Variants in ZNF486 observed in about 807,000 individuals in gnomAD.
The protein encoded by ZNF486 is KRAB box only protein 2.
ZNF486 carries 12 observed loss-of-function variants against 12.8 expected under a neutral mutation model. That is an observed-to-expected ratio of 0.94 (90% CI 0.60 to 1.52). ZNF486 has a LOEUF of 1.52. Among genes scored for constraint, ZNF486 ranks in the 40% most tolerant of loss-of-function variants. The pLI is 0.00. For missense variants in ZNF486, 738 were observed against 545.0 expected (o/e 1.35, Z -3.53); for synonymous variants, 231 against 184.9 (o/e 1.25, Z -2.02).
Position 20,192,063 on chromosome 19 carries a change from T to G in ZNF486, c.254-4901T>G, listed in dbSNP as rs370496771. Among the ~76,000 whole-genome samples, 29 of 152,322 alleles carry G rather than the reference T, an allele frequency of 1.9e-4. No homozygotes were observed. The South Asian group carries it at 6.0e-3, about 32-fold the overall frequency. On this transcript the variant is annotated intron_variant, in intron 3 of 3. Transcript: ENST00000335117. Reference sequence around the variant, plus strand: ...CCGATTCCTGGTAAATTAACTCACTTTACCATAATATAATATCATTCTTTG... The same window carrying G: ...CCGATTCCTGGTAAATTAACTCACTGTACCATAATATAATATCATTCTTTG...
In ZNF486 at chr19:20,179,699, C is replaced by T. The variant is rs1171169076; in HGVS notation, c.31-4657C>T. On this transcript the variant is annotated intron_variant, in intron 1 of 3. Coordinates refer to ENST00000335117, the MANE Select transcript of ZNF486 (RefSeq NM_052852.4). ...ACAGAAAATTAACAAAAGTCATTTT[C>T]TGCATTGTAAGTTGTCAAGATAGAT... Among the ~76,000 whole-genome samples, 3 of 152,092 alleles carry T rather than the reference C, an allele frequency of 2.0e-5. No individual in the cohort carries two copies. The East Asian group carries it at 5.8e-4, about 29-fold the overall frequency.
chr19:20,194,920 C>G (rs1555717677), intron 3 of ZNF486, among the ~76,000 whole-genome samples: 1 of 151,888 alleles, frequency 6.6e-6, no homozygotes, highest in African/African-American at 2.4e-5. Flanking sequence ...ATCATATTTT[C>G]TTTTAATAAA....
At chr19:20,184,662 C>T (rs1250519929) in intron 2 of ZNF486, among the ~76,000 whole-genome samples, 180 bp downstream of exon 2, 2 of 152,070 alleles carry the variant, frequency 1.3e-5, no homozygotes, top group Admixed American at 1.3e-4. Context: ...CATCTTAATC[C>T]AAACTTTCCA....
At chr19:20,178,555 C>A (rs918081889) in intron 1 of ZNF486, among the ~76,000 whole-genome samples, 18 of 152,090 alleles carry the variant, frequency 1.2e-4, no homozygotes, top group African/African-American at 3.9e-4. Flanking sequence ...GAAAATTGTT[C>A]TTCTAATTAT....
chr19:20,186,130 C>T (rs1555716402), intron 3 of ZNF486, 48 bp downstream of exon 3: 1 of 1,445,496 alleles, frequency 6.9e-7, no homozygotes, highest in Admixed American at 2.4e-5. Context: ...GATAAGAGGT[C>T]CCAAGGTCAA....
intron 1 of ZNF486, among the ~76,000 whole-genome samples, chr19:20,178,707 A>AG (rs1182880647): frequency 2.0e-5 from 3 of 152,244 alleles, no homozygotes; most frequent in Non-Finnish European, 1.5e-5. Flanking sequence ...CTAAATATGC[A>AG]GGCAGAATTG....
chr19:20,176,026 G>A (rs182706341), intron 1 of ZNF486: 12,724 of 169,170 alleles, frequency 0.075, 758 homozygotes, highest in African/African-American at 0.17. Flanking sequence ...CCTCCCTCCC[G>A]GACGGGGTGG....
chr19:20,170,896 C>T (rs1555713801), intron 1 of ZNF486, among the ~76,000 whole-genome samples: 1 of 152,110 alleles, frequency 6.6e-6, no homozygotes, highest in African/African-American at 2.4e-5. Flanking sequence ...AACATAACTA[C>T]AGTGTTTTGT....
At chr19:20,189,429 T>C (rs2089881646) in intron 3 of ZNF486, among the ~76,000 whole-genome samples, 2 of 152,328 alleles carry the variant, frequency 1.3e-5, no homozygotes, top group Middle Eastern at 3.4e-3. Context: ...CATTTTTAAA[T>C]AATGGCTGCA....
intron 1 of ZNF486, among the ~76,000 whole-genome samples, chr19:20,180,279 C>T (rs1309265796): frequency 6.6e-6 from 1 of 152,160 alleles, no homozygotes; most frequent in Non-Finnish European, 1.5e-5. Context: ...CAGAGTTTCT[C>T]CAGTTTCCTG....
At chr19:20,181,497 C>A (rs975174692) in intron 1 of ZNF486, among the ~76,000 whole-genome samples, 5 of 150,642 alleles carry the variant, frequency 3.3e-5, no homozygotes, top group African/African-American at 1.2e-4. Context: ...CCAGATCGCG[C>A]CACTGCACTC....
At position 20,197,690 on chromosome 19, in the gene ZNF486, G is replaced by T. The variant is rs781845508; in HGVS notation, c.980G>T (p.Cys327Phe). The T allele has an allele frequency of 1.5e-5, 24 of 1,613,638 alleles. No individual in the cohort carries two copies. The African/African-American group carries it at 2.0e-4, about 13-fold the overall frequency. ...TGEKPYTCDK[C>F]GKAFISSSIL... ...GAGAAACCGTACACGTGTGATAAAT[G>T]TGGCAAAGCCTTTATTTCATCCTCG... The change falls in exon 4 of 4, where the codon TGT becomes TTT. Residue 327 changes from cysteine to phenylalanine, a missense_variant. By Grantham distance (205) the Cys-to-Phe change is radical. Transcript: ENST00000335117.
intron 1 of ZNF486, chr19:20,176,384 G>C (rs1555714793): frequency 1.3e-5 from 2 of 159,146 alleles, no homozygotes; most frequent in East Asian, 1.7e-4. Flanking sequence ...CAGACGATGG[G>C]CGGCCAGGCA....
chr19:20,171,720 T>A (rs2089649906), intron 1 of ZNF486, among the ~76,000 whole-genome samples: 1 of 152,248 alleles, frequency 6.6e-6, no homozygotes, highest in Non-Finnish European at 1.5e-5. Context: ...ATTTTTTTTC[T>A]TTTAGCTTTT....
At position 20,167,284 on chromosome 19, in the gene ZNF486, C is replaced by A. The variant is rs781877664; in HGVS notation, c.-47C>A. The stretch of plus-strand genomic sequence containing the variant: ...GTGTCCTCTGCTCCTAGAGGCCCAC[C>A]CTCTGTGGCCCTGTGTCCTGTAGGT... On this transcript the variant is annotated 5_prime_UTR_variant, in exon 1 of 4. Coordinates refer to ENST00000335117, the MANE Select transcript of ZNF486 (RefSeq NM_052852.4). 6 of 1,611,192 alleles carry A rather than the reference C, an allele frequency of 3.7e-6. No individual in the cohort carries two copies. The African/African-American group carries it at 8.0e-5, about 22-fold the overall frequency.
chr19:20,195,875 C>A (rs1422999667), intron 3 of ZNF486, among the ~76,000 whole-genome samples: 2 of 152,184 alleles, frequency 1.3e-5, no homozygotes, highest in Non-Finnish European at 1.5e-5. Context: ...ACTGTCATTC[C>A]AATGTATATC....
At position 20,187,677 on chromosome 19, in the gene ZNF486, A is replaced by C. The variant is rs570948503; in HGVS notation, c.253+1595A>C. 2.6e-5 allele frequency among the ~76,000 whole-genome samples: 4 copies of C among 151,594 alleles called. No individual in the cohort carries two copies. In the East Asian group the frequency reaches 5.8e-4, roughly 22 times the overall value. On this transcript the variant is annotated intron_variant, in intron 3 of 3. Transcript: ENST00000335117. The stretch of plus-strand genomic sequence containing the variant: ...CCACCACACCCGGCTAATTTTTTAA[A>C]AATTTTTATTAGAGACAGGGTTTCA...
chr19:20,200,235 AG>A lies in ZNF486; in HGVS notation c.*2134del, dbSNP rs1362214153. On this transcript the variant is annotated 3_prime_UTR_variant, in exon 4 of 4. Coordinates refer to ENST00000335117, the MANE Select transcript of ZNF486 (RefSeq NM_052852.4). ...TTGCTGCATCAGAGATATTAGAGAT[AG>A]TTTTTTATTAATTGGGCATTTATGA... The A allele has an allele frequency of 1.3e-5, 2 of 152,146 alleles. No homozygotes were observed. The highest frequency in any genetic ancestry group is 4.8e-5 in the African/African-American group (2 of 41,442). 9.4% of individuals were successfully genotyped at this position (152,146 alleles called of 1,614,324 possible). A position where few individuals can be genotyped will look rare whatever the true frequency, so the allele number is the denominator to read the frequency against.
At chr19:20,190,538 C>T (rs1320789123) in intron 3 of ZNF486, among the ~76,000 whole-genome samples, 2 of 152,138 alleles carry the variant, frequency 1.3e-5, no homozygotes, top group Non-Finnish European at 2.9e-5. Context: ...ACATGTACTA[C>T]CATGTCTGCC....
Sources: gnomAD v4.1 joint callset for allele counts (sites outside exome capture counted in the v4.1 genomes callset) on GRCh38, gnomAD v4.1.1 for gene constraint, MANE v1.5 for transcripts, NCBI Gene and HGNC (gene_info 2026-07-23, HGNC 2026-07-21) for gene names.